The following SLIT2 variants were observed in gnomAD, a reference collection of about 807,000 sequenced individuals.
The protein encoded by SLIT2 is slit guidance ligand 2.
Under a neutral mutation model 185.7 loss-of-function variants are expected in SLIT2, and 41 were observed. The ratio of observed to expected loss-of-function variants is 0.22; its 90% CI spans 0.17 to 0.29. SLIT2 has a LOEUF of 0.29. Ranked by LOEUF, SLIT2 falls within the 10% of genes least tolerant of loss-of-function variation. The probability of loss-of-function intolerance (pLI) is 1.00; values close to 1 mark genes in which losing one functional copy is unlikely to be tolerated. For synonymous variants in SLIT2, 693 were observed against 680.2 expected (o/e 1.02, Z -0.29); for missense variants, 1,571 against 1,909.0 (o/e 0.82, Z 3.30).
intron 4 of SLIT2, among the ~76,000 whole-genome samples, chr4:20,320,437 C>G (rs114879507): frequency 6.8e-4 from 104 of 152,218 alleles, no homozygotes; most frequent in African/African-American, 2.2e-3. Flanking sequence ...TGAGCCCCAG[C>G]CTCCTTAGAT....
chr4:20,465,208 C>T (rs1714201648), intron 4 of SLIT2, among the ~76,000 whole-genome samples: 1 of 152,126 alleles, frequency 6.6e-6, no homozygotes, highest in Admixed American at 6.6e-5. Context: ...AAATATTTAC[C>T]TATGTTTTCC....
Position 20,524,201 on chromosome 4 carries a change from C to T in SLIT2, c.1438+24C>T, listed in dbSNP as rs779479154. On this transcript the variant is annotated intron_variant, in intron 14 of 36. Transcript: ENST00000504154. ...AGGTAATTTCTTCACGTGTTATTTCCCCTGTGACCAACAACAATGGTTACA... is the reference window on the plus strand; with the variant it reads ...AGGTAATTTCTTCACGTGTTATTTCTCCTGTGACCAACAACAATGGTTACA... The T allele has an allele frequency of 8.7e-6, 14 of 1,610,950 alleles. No individual in the cohort carries two copies. The Admixed American group carries it at 2.2e-4, about 25-fold the overall frequency.
At chr4:20,411,330 A>G (rs9999032) in intron 4 of SLIT2, among the ~76,000 whole-genome samples, 149 of 152,334 alleles carry the variant, frequency 9.8e-4, no homozygotes, top group African/African-American at 3.5e-3. Context: ...TCATTTAACA[A>G]TGGTAACCAA....
intron 4 of SLIT2, among the ~76,000 whole-genome samples, chr4:20,461,649 A>G (rs1043536009): frequency 8.5e-5 from 13 of 152,126 alleles, no homozygotes; most frequent in African/African-American, 3.1e-4. Flanking sequence ...CAGATTCTGG[A>G]TATATTTTGA....
At position 20,609,991 on chromosome 4, in the gene SLIT2, G is replaced by C. The variant is rs756005053; in HGVS notation, c.3693-22G>C. ...TAATGAAAAGAAAATGGAAGAATCA[G>C]CCATTTTTTTTTCCGTTGTAGTGTG... On this transcript the variant is annotated intron_variant, in intron 33 of 36. Coordinates refer to ENST00000504154, the MANE Select transcript of SLIT2 (RefSeq NM_004787.4). 4 of 1,579,980 alleles carry C rather than the reference G, an allele frequency of 2.5e-6. No individual in the cohort carries two copies. In the African/African-American group the frequency reaches 4.1e-5, roughly 16 times the overall value.
At chr4:20,432,305 C>T (rs925097660) in intron 4 of SLIT2, among the ~76,000 whole-genome samples, 1 of 152,038 alleles carries the variant, frequency 6.6e-6, no homozygotes, top group African/African-American at 2.4e-5. Flanking sequence ...ATTCTTATGA[C>T]TAATAGGATT....
At position 20,484,500 on chromosome 4, in the gene SLIT2, A is replaced by G. The variant is rs1360565887; in HGVS notation, c.540-1700A>G. On this transcript the variant is annotated intron_variant, in intron 6 of 36. Coordinates refer to ENST00000504154, the MANE Select transcript of SLIT2 (RefSeq NM_004787.4). The surrounding 1 kb of genome is among the most constrained non-coding windows in gnomAD (Gnocchi z 4.3). ...CTTAGAATAGTTCTTATATAATTCA[A>G]TACATTGCAAAACAAGGTGGTAAAG... Among the ~76,000 whole-genome samples, 1 of 152,084 alleles carries G rather than the reference A, an allele frequency of 6.6e-6. No homozygotes were observed. The highest frequency in any genetic ancestry group is 1.5e-5 in the Non-Finnish European group (1 of 67,986).
chr4:20,595,609 A>G (rs1184659840), intron 30 of SLIT2, 88 bp from the exon 31 acceptor site: 1 of 1,508,414 alleles, frequency 6.6e-7, no homozygotes, highest in African/African-American at 1.4e-5. Flanking sequence ...AGTATTTTAA[A>G]GATGGTGCCA....
intron 33 of SLIT2, among the ~76,000 whole-genome samples, 159 bp from the exon 34 acceptor site, chr4:20,609,854 G>T (rs959403401): frequency 6.6e-6 from 1 of 152,002 alleles, no homozygotes; most frequent in South Asian, 2.1e-4. Context: ...CCTTGAAAAT[G>T]CCTATTTTTG....
chr4:20,273,114 A>G (rs1713799941), intron 4 of SLIT2, among the ~76,000 whole-genome samples: 1 of 152,098 alleles, frequency 6.6e-6, no homozygotes, highest in Non-Finnish European at 1.5e-5. Context: ...TAAGGTAATC[A>G]ATTAATTTGT....
chr4:20,305,495 G>C (rs1220105780), intron 4 of SLIT2, among the ~76,000 whole-genome samples: 1 of 152,126 alleles, frequency 6.6e-6, no homozygotes, highest in Non-Finnish European at 1.5e-5. Context: ...GTATACTTGG[G>C]TAAGAAAATG....
rs771775784 is a variant in SLIT2, at chr4:20,549,085, A to G, written c.2446A>G (p.Ile816Val). 1.9e-6 allele frequency: 3 copies of G among 1,601,844 alleles called. No individual in the cohort carries two copies. The highest frequency in any genetic ancestry group is 3.3e-5 in the Admixed American group (2 of 59,884). The part of the protein sequence containing the change: ...LILSYNRLRC[I>V]PPRTFDGLKS... ...TCTTAGTTACAACCGTCTGAGATGT[A>G]TTCCTCCTCGCACCTTTGATGGATT... is the stretch of plus-strand genomic sequence containing the variant. The change falls in exon 24 of 37, where the codon ATT becomes GTT. Residue 816 changes from isoleucine (I) to valine (V), a missense_variant. Transcript: ENST00000504154.
intron 11 of SLIT2, among the ~76,000 whole-genome samples, chr4:20,511,663 C>T (rs1035620792): frequency 5.5e-5 from 8 of 145,788 alleles, no homozygotes; most frequent in African/African-American, 1.5e-4. Context: ...CTCCTGACCT[C>T]GTGATCCGCC....
At chr4:20,368,219 C>CAAAAAAAAAAAAAAGAAAAAAAAAAAA (rs1723273594) in intron 4 of SLIT2, among the ~76,000 whole-genome samples, 3 of 107,432 alleles carry the variant, frequency 2.8e-5, no homozygotes, top group Non-Finnish European at 5.6e-5. Flanking sequence ...CACAAAATAG[C>CAAAAAAAAAAAAAAGAAAAAAAAAAAA]AAAAAAAAAA....
intron 4 of SLIT2, among the ~76,000 whole-genome samples, chr4:20,280,776 A>T (rs747210667): frequency 6.6e-6 from 1 of 151,670 alleles, no homozygotes; most frequent in Non-Finnish European, 1.5e-5. Context: ...ATTAGCTTAC[A>T]TTTTGAATGG....
intron 4 of SLIT2, among the ~76,000 whole-genome samples, chr4:20,276,739 A>C (rs1714205088): frequency 6.6e-6 from 1 of 152,204 alleles, no homozygotes; most frequent in Admixed American, 6.5e-5. Context: ...AACAGCACAG[A>C]GAAAGGTTGA....
intron 26 of SLIT2, among the ~76,000 whole-genome samples, chr4:20,565,143 G>A (rs10030354): frequency 0.031 from 4,763 of 151,982 alleles, 258 homozygotes; most frequent in African/African-American, 0.1. Context: ...TCCACAGGAT[G>A]AACTTACAAA....
Position 20,542,539 on chromosome 4 carries a change from A to G in SLIT2, c.2189A>G (p.Glu730Gly), listed in dbSNP as rs200087407. Residue 730 changes from glutamate (E) to glycine (G), a missense_variant, in exon 21 of 37, where the codon GAA (glutamate) becomes GGA (glycine). Physicochemically the swap from Glu to Gly is moderately conservative, Grantham distance 98. Transcript: ENST00000504154. ...TCCCCACTTTCTCGCTGTCCTACTG[A>G]ATGTACTTGCTTGGATACAGTCGTC... is the stretch of plus-strand genomic sequence containing the variant. ...SCSPLSRCPT[E>G]CTCLDTVVRC... 6 of 1,613,772 alleles carry G rather than the reference A, an allele frequency of 3.7e-6. No individual in the cohort carries two copies. The highest frequency in any genetic ancestry group is 5.1e-6 in the Non-Finnish European group (6 of 1,179,728).
chr4:20,494,099 T>C (rs914599614), intron 9 of SLIT2, among the ~76,000 whole-genome samples: 1 of 152,236 alleles, frequency 6.6e-6, no homozygotes, highest in Non-Finnish European at 1.5e-5. Flanking sequence ...CTGACTTTTC[T>C]AGAATAATTG....
Sources: gnomAD v4.1 joint callset for allele counts (sites outside exome capture counted in the v4.1 genomes callset) on GRCh38, gnomAD v4.1.1 for gene constraint, Gnocchi (gnomAD v3.1) non-coding constraint, MANE v1.5 for transcripts, NCBI Gene and HGNC (gene_info 2026-07-23, HGNC 2026-07-21) for gene names.